Variants in CAPN3 observed in about 807,000 individuals in gnomAD.
The protein encoded by CAPN3 is calpain-3.
CAPN3 carries 88 observed loss-of-function variants against 114.0 expected under a neutral mutation model. The observed-to-expected ratio is 0.77, with a 90% CI of 0.65 to 0.92. The LOEUF is 0.92. Ranked by LOEUF, CAPN3 falls within the 40% of genes least tolerant of loss-of-function variation. The pLI is 0.00. For synonymous variants in CAPN3, 386 were observed against 382.9 expected (o/e 1.01, Z -0.09); for missense variants, 1,028 against 1,069.0 (o/e 0.96, Z 0.53).
At position 42,409,970 on chromosome 15, in the gene CAPN3, G is replaced by A; in HGVS notation, c.2090G>A (p.Cys697Tyr). 1.2e-6 allele frequency: 2 copies of A among 1,612,196 alleles called. No homozygotes were observed. Among genetic ancestry groups the A allele is most frequent in the Non-Finnish European group, 1.7e-6 (2 of 1,179,910 alleles). Reference protein sequence around the residue: ...LKTHGFTLESCRSMIALMDTD... With the variant: ...LKTHGFTLESYRSMIALMDTD... ...ACACACGGGTTCACACTGGAGTCCT[G>A]CCGTAGCATGATTGCGCTCATGGAT... Residue 697 changes from cysteine (C) to tyrosine (Y), a missense_variant, in exon 19 of 24, where the codon TGC (cysteine) becomes TAC (tyrosine). Physicochemically the swap from Cys to Tyr is radical, Grantham distance 194. Coordinates refer to ENST00000397163, the MANE Select transcript of CAPN3 (RefSeq NM_000070.3).
Position 42,412,148 on chromosome 15 carries a change from C to A in CAPN3, c.*375C>A. ...CTCCTTGTGCTAGAGCCCTCCATCA[C>A]CTTCACGCTGTCCCACCATGGGCCA... On this transcript the variant is annotated 3_prime_UTR_variant, in exon 24 of 24. Transcript: ENST00000397163. The A allele has an allele frequency of 6.5e-7, 1 of 1,536,134 alleles. No homozygotes were observed. Among genetic ancestry groups the A allele is most frequent in the Non-Finnish European group, 8.7e-7 (1 of 1,146,902 alleles).
chr15:42,389,084 C>T lies in CAPN3; in HGVS notation c.789C>T (p.Gly263=). The change falls in exon 5 of 24, where the codon GGC becomes GGT. Residue 263 remains glycine (G), a synonymous_variant. Coordinates refer to ENST00000397163, the MANE Select transcript of CAPN3 (RefSeq NM_000070.3). ...CCATCGAGAGAGGCTCCCTCATGGG[C>T]TGCTCCATTGATGTAAGTCTGGGGT... ...KKAIERGSLM[G]CSIDDGTNMT... 6.2e-7 allele frequency: 1 copy of T among 1,614,040 alleles called. No individual in the cohort carries two copies. The highest frequency in any genetic ancestry group is 8.5e-7 in the Non-Finnish European group (1 of 1,179,990).
In CAPN3 at chr15:42,389,833, A is replaced by T. The variant is rs28364426; in HGVS notation, c.802-120A>T. 5,150 of 1,056,006 alleles carry T rather than the reference A, an allele frequency of 4.9e-3. 179 individuals are homozygous for T. In the African/African-American group the frequency reaches 0.071, roughly 15 times the overall value. 65.4% of individuals were successfully genotyped at this position (1,056,006 alleles called of 1,614,324 possible). A position where few individuals can be genotyped will look rare whatever the true frequency, so the allele number is the denominator to read the frequency against. ...TCTTTCCTCCATTCGTGCTCTGTTG[A>T]TCTCTCCTCTCTCCCTTTGTCTGTC... On this transcript the variant is annotated intron_variant, in intron 5 of 23. Transcript: ENST00000397163.
intron 1 of CAPN3, among the ~76,000 whole-genome samples, chr15:42,380,988 A>G (rs2053237471): frequency 6.6e-6 from 1 of 151,766 alleles, no homozygotes; most frequent in Non-Finnish European, 1.5e-5. Flanking sequence ...TCCACCCTCA[A>G]ATAACACTAT....
At chr15:42,368,642 T>G (rs1214487525) in intron 1 of CAPN3, among the ~76,000 whole-genome samples, 1 of 152,244 alleles carries the variant, frequency 6.6e-6, no homozygotes, top group Non-Finnish European at 1.5e-5. Flanking sequence ...TGGTTCAGTA[T>G]TTACTAATAC....
At chr15:42,399,313 G>T (rs1018568927) in intron 9 of CAPN3, among the ~76,000 whole-genome samples, 179 bp from the exon 10 acceptor site, 2 of 152,160 alleles carry the variant, frequency 1.3e-5, no homozygotes, top group Non-Finnish European at 2.9e-5. Flanking sequence ...TGATGGTTTG[G>T]AGTAGATACA....
chr15:42,371,486 A>G (rs573783040), intron 1 of CAPN3, among the ~76,000 whole-genome samples: 1 of 152,300 alleles, frequency 6.6e-6, no homozygotes, highest in Admixed American at 6.5e-5. Flanking sequence ...CTGTTCCTTG[A>G]TCATCTGTAT....
rs1263058025 is a variant in CAPN3, at chr15:42,380,728, CATAT to C, written c.310-3734_310-3731del. ...ACGGGGTCTCTCCCCCCACCTTCCC[CATAT>C]ATATATATATATATATATATTTTTT... On this transcript the variant is annotated intron_variant, in intron 1 of 23. Transcript: ENST00000397163. 7.3e-4 allele frequency among the ~76,000 whole-genome samples: 51 copies of C among 70,102 alleles called. 1 individual carries two copies. Among genetic ancestry groups the C allele is most frequent in the Non-Finnish European group, 9.7e-4 (37 of 38,176 alleles). 46.0% of individuals were successfully genotyped at this position (70,102 alleles called of 152,430 possible).
chr15:42,373,115 C>T (rs919236082), intron 1 of CAPN3, among the ~76,000 whole-genome samples: 1 of 151,842 alleles, frequency 6.6e-6, no homozygotes, highest in Non-Finnish European at 1.5e-5. Flanking sequence ...ATTGCTTGAA[C>T]CCAGGAGGTG....
chr15:42,389,097 G>T lies in CAPN3; in HGVS notation c.801+1G>T. 6.2e-7 allele frequency: 1 copy of T among 1,613,990 alleles called. No homozygotes were observed. Among genetic ancestry groups the T allele is most frequent in the Non-Finnish European group, 8.5e-7 (1 of 1,179,960 alleles). ...CTCCCTCATGGGCTGCTCCATTGAT[G>T]TAAGTCTGGGGTGTGGGGCACAGGG... On this transcript the variant is annotated splice_donor_variant, in intron 5 of 23. Transcript: ENST00000397163. LOFTEE classifies it high-confidence loss of function.
intron 17 of CAPN3, 133 bp downstream of exon 17, chr15:42,409,513 G>A (rs921393293): frequency 1.0e-4 from 94 of 942,738 alleles, no homozygotes; most frequent in Middle Eastern, 2.2e-4. Context: ...GGATGTGTGC[G>A]TAGCACACAA....
intron 16 of CAPN3, 99 bp from the exon 17 acceptor site, chr15:42,409,204 C>G: frequency 9.2e-7 from 1 of 1,087,224 alleles, no homozygotes; most frequent in African/African-American, 1.5e-5. Context: ...CCACCTCCGG[C>G]CGTTTTAGGC....
intron 7 of CAPN3, among the ~76,000 whole-genome samples, chr15:42,393,595 CT>C (rs199564761): frequency 0.21 from 26,546 of 128,672 alleles, 3,504 homozygotes; most frequent in African/African-American, 0.4. Context: ...TTCTTTCTTT[CT>C]TTTTTTTTTT....
chr15:42,371,217 A>G (rs1349676518), intron 1 of CAPN3, among the ~76,000 whole-genome samples: 1 of 152,116 alleles, frequency 6.6e-6, no homozygotes, highest in African/African-American at 2.4e-5. Flanking sequence ...GGGATGGGGA[A>G]GGTGCATATG....
intron 9 of CAPN3, among the ~76,000 whole-genome samples, chr15:42,398,720 C>T (rs1184751641): frequency 6.7e-6 from 1 of 149,782 alleles, no homozygotes; most frequent in Non-Finnish European, 1.5e-5. Flanking sequence ...TACACACACA[C>T]ACTATACTAT....
intron 1 of CAPN3, among the ~76,000 whole-genome samples, chr15:42,370,304 A>G (rs964505274): frequency 1.8e-4 from 28 of 152,208 alleles, no homozygotes; most frequent in African/African-American, 6.8e-4. Context: ...GCCAGGAGTC[A>G]TTTGACCTGT....
At chr15:42,395,523 C>T (rs1185127468) in intron 8 of CAPN3, among the ~76,000 whole-genome samples, 5 of 152,112 alleles carry the variant, frequency 3.3e-5, no homozygotes, top group Non-Finnish European at 7.4e-5. Context: ...GGAGGGGAGG[C>T]GTAGAGAAAG....
chr15:42,380,587 A>G (rs1436937697), intron 1 of CAPN3, among the ~76,000 whole-genome samples: 1 of 146,512 alleles, frequency 6.8e-6, no homozygotes, highest in Non-Finnish European at 1.5e-5. Flanking sequence ...GTATGTGTGT[A>G]TGTATATATA....
At chr15:42,398,337 C>G (rs1460934152) in intron 9 of CAPN3, among the ~76,000 whole-genome samples, 2 of 152,076 alleles carry the variant, frequency 1.3e-5, no homozygotes, top group Admixed American at 1.3e-4. Context: ...GTAATCCCAG[C>G]ACCTTGGGAG....
Sources: allele counts gnomAD v4.1 joint callset (sites outside exome capture counted in the v4.1 genomes callset), GRCh38; gene constraint gnomAD v4.1.1; transcripts MANE v1.5; gene names NCBI Gene and HGNC (gene_info 2026-07-23, HGNC 2026-07-21).